Variants in TRIM2 observed in about 807,000 individuals in gnomAD.
The protein encoded by TRIM2 is tripartite motif-containing protein 2.
Under a neutral mutation model 75.2 loss-of-function variants are expected in TRIM2, and 20 were observed. That is an observed-to-expected ratio of 0.27 (90% confidence interval 0.19 to 0.39). The LOEUF (loss-of-function observed/expected upper bound fraction) is 0.39, where lower values mean the gene tolerates loss of function less well. TRIM2 is among the 10% of genes least tolerant of loss of function. The probability of loss-of-function intolerance (pLI) is 1.00; values close to 1 mark genes in which losing one functional copy is unlikely to be tolerated. For missense variants in TRIM2, 660 were observed against 990.8 expected (o/e 0.67, Z 4.48); for synonymous variants, 373 against 388.3 (o/e 0.96, Z 0.46).
intron 1 of TRIM2, among the ~76,000 whole-genome samples, chr4:153,267,543 T>C (rs772057363): frequency 8.5e-5 from 13 of 152,054 alleles, no homozygotes; most frequent in Non-Finnish European, 5.9e-5. Context: ...TCCCAGCTAC[T>C]GGGGAGGCTG....
chr4:153,157,100 A>G (rs914723839), intron 1 of TRIM2: 2 of 152,388 alleles, frequency 1.3e-5, no homozygotes, highest in South Asian at 2.1e-4. Flanking sequence ...CGCAGAAGAG[A>G]TGGGCACTTA....
intron 1 of TRIM2, among the ~76,000 whole-genome samples, chr4:153,158,417 A>G (rs1184644907): frequency 6.6e-6 from 1 of 152,234 alleles, no homozygotes; most frequent in Non-Finnish European, 1.5e-5. Context: ...TGATCATTGT[A>G]TAGTGGCAAA....
At chr4:153,176,413 A>G (rs1194368107) in intron 1 of TRIM2, among the ~76,000 whole-genome samples, 2 of 152,032 alleles carry the variant, frequency 1.3e-5, no homozygotes, top group African/African-American at 4.8e-5. Context: ...TGGTTAAACT[A>G]CTGCACTCCA....
chr4:153,311,346 T>G, intron 6 of TRIM2, among the ~76,000 whole-genome samples: 1 of 151,276 alleles, frequency 6.6e-6, no homozygotes, highest in African/African-American at 2.5e-5. Context: ...CTATTTTCTC[T>G]GTTTTTTTTT....
At chr4:153,159,735 T>G (rs748485422) in intron 1 of TRIM2, among the ~76,000 whole-genome samples, 1 of 152,226 alleles carries the variant, frequency 6.6e-6, no homozygotes, top group Non-Finnish European at 1.5e-5. Flanking sequence ...GTAAGAAGAC[T>G]GTCTCCCAAG....
intron 2 of TRIM2, among the ~76,000 whole-genome samples, chr4:153,274,864 A>C (rs945696402): frequency 1.3e-5 from 2 of 152,246 alleles, no homozygotes; most frequent in African/African-American, 4.8e-5. Flanking sequence ...TAATGACCTT[A>C]GCAAAAGCTG....
intron 6 of TRIM2, chr4:153,308,494 G>T (rs1287681495): frequency 6.5e-6 from 5 of 763,858 alleles, no homozygotes; most frequent in Admixed American, 1.7e-5. Flanking sequence ...GCCAGATAAG[G>T]CTGACTTAAG....
At chr4:153,256,214 G>A (rs554892258) in intron 1 of TRIM2, among the ~76,000 whole-genome samples, 190 of 150,888 alleles carry the variant, frequency 1.3e-3, no homozygotes, top group African/African-American at 4.5e-3. Context: ...AAAATGGCAC[G>A]CCAAAGTTGG....
chr4:153,211,950 A>G (rs1355681068), intron 1 of TRIM2, among the ~76,000 whole-genome samples: 3 of 152,196 alleles, frequency 2.0e-5, no homozygotes, highest in African/African-American at 4.8e-5. Context: ...GTTACTGCAC[A>G]TCTTTTCCCC....
Position 153,335,732 on chromosome 4 carries a change from A to T in TRIM2, c.*766A>T. 1 of 985,800 alleles carries T rather than the reference A, an allele frequency of 1.0e-6. No homozygotes were observed. The highest frequency in any genetic ancestry group is 1.2e-6 in the Non-Finnish European group (1 of 829,938). The allele number at this position is 985,800 out of a possible 1,614,324, so 61.1% of individuals were successfully genotyped here. On this transcript the variant is annotated 3_prime_UTR_variant, in exon 12 of 12. Coordinates refer to ENST00000338700, the MANE Select transcript of TRIM2 (RefSeq NM_015271.5). ...CAAAAGTAATGCTACCTTTTGGGAA[A>T]CAAACTGCCCCGTTAACTCCAGATC...
chr4:153,330,910 C>T (rs553318359), intron 11 of TRIM2, among the ~76,000 whole-genome samples: 1 of 152,300 alleles, frequency 6.6e-6, no homozygotes, highest in East Asian at 1.9e-4. Context: ...AAGAAATTAA[C>T]CACTCTCCCT....
intron 1 of TRIM2, among the ~76,000 whole-genome samples, chr4:153,255,232 C>A (rs1273995307): frequency 6.6e-6 from 1 of 152,218 alleles, no homozygotes; most frequent in Non-Finnish European, 1.5e-5. Flanking sequence ...ACACATGACA[C>A]TCAACAAGTC....
intron 6 of TRIM2, among the ~76,000 whole-genome samples, chr4:153,300,370 A>T (rs1373354629): frequency 6.6e-6 from 1 of 151,908 alleles, no homozygotes; most frequent in South Asian, 2.1e-4. Context: ...GCTCACTGCA[A>T]CCTCAACCTC....
At chr4:153,221,745 A>AGG (rs1740083480) in intron 1 of TRIM2, among the ~76,000 whole-genome samples, 1 of 141,276 alleles carries the variant, frequency 7.1e-6, no homozygotes, top group South Asian at 2.7e-4. Flanking sequence ...AGAGTGAGGA[A>AGG]GGGAGGGAGG....
At chr4:153,163,212 G>T (rs58182483) in intron 1 of TRIM2, among the ~76,000 whole-genome samples, 7,623 of 152,036 alleles carry the variant, frequency 0.05, 649 homozygotes, top group African/African-American at 0.17. Flanking sequence ...TTGAGACAGG[G>T]TCTTGCTCTG....
At chr4:153,184,029 G>A (rs1488253307) in intron 1 of TRIM2, among the ~76,000 whole-genome samples, 2 of 152,174 alleles carry the variant, frequency 1.3e-5, no homozygotes, top group Non-Finnish European at 2.9e-5. Flanking sequence ...AGAATGTAAT[G>A]TCTGCAGCAG....
In TRIM2 at chr4:153,257,429, G is replaced by T. The variant is rs552452773; in HGVS notation, c.31-12906G>T. 3.8e-5 allele frequency: 45 copies of T among 1,194,102 alleles called. 1 individual carries two copies. In the South Asian group the frequency reaches 6.6e-4, roughly 18 times the overall value. 74.0% of individuals were successfully genotyped at this position (1,194,102 alleles called of 1,614,324 possible). A position where few individuals can be genotyped will look rare whatever the true frequency, so the allele number is the denominator to read the frequency against. On this transcript the variant is annotated intron_variant, in intron 1 of 11. Transcript: ENST00000338700. ...AAAGATGTCCTGTAAGATCAAGACC[G>T]ATTGGTGTGAATACTGAAGGGGGTC...
chr4:153,182,323 C>A (rs1416188881), intron 1 of TRIM2, among the ~76,000 whole-genome samples: 2 of 152,164 alleles, frequency 1.3e-5, no homozygotes, highest in Admixed American at 6.5e-5. Flanking sequence ...TCCAACCAGG[C>A]TCCTTGATGT....
chr4:153,254,599 A>G (rs964239533), intron 1 of TRIM2, among the ~76,000 whole-genome samples: 2 of 152,200 alleles, frequency 1.3e-5, no homozygotes, highest in African/African-American at 4.8e-5. Flanking sequence ...ACCTGTTTTC[A>G]GGAAGTGCCA....
Sources: allele counts gnomAD v4.1 joint callset (sites outside exome capture counted in the v4.1 genomes callset), GRCh38; gene constraint gnomAD v4.1.1; transcripts MANE v1.5; gene names NCBI Gene and HGNC (gene_info 2026-07-23, HGNC 2026-07-21).